The following SLC50A1 variants were observed in gnomAD, a reference collection of about 807,000 sequenced individuals.
SLC50A1 encodes solute carrier family 50 member 1.
SLC50A1 carries 22 observed loss-of-function variants against 28.9 expected under a neutral mutation model. The ratio of observed to expected loss-of-function variants is 0.76; its 90% CI spans 0.54 to 1.09. The LOEUF is 1.09. Ranked by LOEUF, SLC50A1 falls within the 50% of genes least tolerant of loss-of-function variation. SLC50A1 has a pLI of 0.00. For missense variants in SLC50A1, 233 were observed against 273.4 expected (o/e 0.85, Z 1.04); for synonymous variants, 96 against 110.6 (o/e 0.87, Z 0.83).
chr1:155,135,936 T>C lies in SLC50A1; in HGVS notation c.25T>C (p.Ser9Pro). 1.2e-6 allele frequency: 2 copies of C among 1,614,020 alleles called. No homozygotes were observed. Among genetic ancestry groups the C allele is most frequent in the Non-Finnish European group, 1.7e-6 (2 of 1,179,994 alleles). MEAGGFLDSLIYGACVVFT... is the reference protein window; with the variant it reads MEAGGFLDPLIYGACVVFT... ...AATGGAGGCGGGCGGCTTTCTGGAC[T>C]CGCTCATTTACGGAGCATGCGTGGT... Residue 9 changes from serine (S) to proline (P), a missense_variant, in exon 1 of 6, where the codon TCG (serine) becomes CCG (proline). Physicochemically the swap from Ser to Pro is moderately conservative, Grantham distance 74. Transcript: ENST00000368404.
chr1:155,137,337 C>T (rs1171458031), intron 3 of SLC50A1, among the ~76,000 whole-genome samples: 1 of 152,148 alleles, frequency 6.6e-6, no homozygotes, highest in Non-Finnish European at 1.5e-5. Flanking sequence ...GTGCCAAGCA[C>T]ACAGAAAAAA....
rs1461897935 is a variant in SLC50A1 at position 155,136,302 on chromosome 1, G to A, written c.84G>A (p.Ser28=). 1.2e-6 allele frequency: 2 copies of A among 1,602,686 alleles called. No homozygotes were observed. The highest frequency in any genetic ancestry group is 2.7e-5 in the African/African-American group (2 of 74,570). ...FTLGMFSAGL[S]DLRHMRMTRS... Reference sequence around the variant, plus strand: ...TCCCTTCGGGGCCCCATTACAGCTCGGACCTCAGGCACATGCGAATGACCC... The same window carrying A: ...TCCCTTCGGGGCCCCATTACAGCTCAGACCTCAGGCACATGCGAATGACCC... The change falls in exon 2 of 6, where the codon TCG becomes TCA. Residue 28 remains serine (S), a synonymous_variant. Coordinates refer to ENST00000368404, the MANE Select transcript of SLC50A1 (RefSeq NM_018845.4).
rs1309159185 is a variant in SLC50A1, at chr1:155,138,108, A to G, written c.564+10A>G. The G allele has an allele frequency of 1.2e-6, 2 of 1,614,056 alleles. No homozygotes were observed. The highest frequency in any genetic ancestry group is 1.1e-5 in the South Asian group (1 of 91,092). On this transcript the variant is annotated intron_variant, in intron 5 of 5. Transcript: ENST00000368404. ...AGATCCCTATATCATGGTAAGCACA[A>G]CTGGGATGGGGTGACAGGGGTGCAA...
chr1:155,137,473 T>C (rs1418971949), intron 3 of SLC50A1, 88 bp from the exon 4 acceptor site: 15 of 1,527,948 alleles, frequency 9.8e-6, no homozygotes, highest in African/African-American at 5.4e-5. Flanking sequence ...GGCTTCCCCA[T>C]TGGAGCACTG....
chr1:155,138,530 A>T lies in SLC50A1; in HGVS notation c.*249A>T. On this transcript the variant is annotated 3_prime_UTR_variant, in exon 6 of 6. Coordinates refer to ENST00000368404, the MANE Select transcript of SLC50A1 (RefSeq NM_018845.4). ...TGGAGGTTGGGGTGCAATCTTTAGAATATGCCTTAAAAGGCCGGGCGCGGT... is the reference window on the plus strand; with the variant it reads ...TGGAGGTTGGGGTGCAATCTTTAGATTATGCCTTAAAAGGCCGGGCGCGGT... 1 of 504,154 alleles carries T rather than the reference A, an allele frequency of 2.0e-6. No homozygotes were observed. The highest frequency in any genetic ancestry group is 3.5e-6 in the Non-Finnish European group (1 of 282,696). The allele number at this position is 504,154 out of a possible 1,614,324, so 31.2% of individuals were successfully genotyped here. A position where few individuals can be genotyped will look rare whatever the true frequency, so the allele number is the denominator to read the frequency against.
At chr1:155,136,104 G>T in intron 1 of SLC50A1, 113 bp downstream of exon 1, 1 of 1,288,724 alleles carries the variant, frequency 7.8e-7, no homozygotes, top group Non-Finnish European at 1.1e-6. Context: ...ATCAAAGTGG[G>T]ATCGGGTCGA....
In SLC50A1 at chr1:155,135,975, A is replaced by G. The variant is rs1332092502; in HGVS notation, c.64A>G (p.Met22Val). The G allele has an allele frequency of 1.2e-6, 2 of 1,613,800 alleles. No homozygotes were observed. Among genetic ancestry groups the G allele is most frequent in the African/African-American group, 1.3e-5 (1 of 74,864 alleles). The change falls in exon 1 of 6, where the codon ATG becomes GTG. Residue 22 changes from methionine (M) to valine (V), a missense_variant. By Grantham distance (21) the Met-to-Val change is conservative (BLOSUM62 1). Transcript: ENST00000368404. ...AGCATGCGTGGTCTTCACCCTTGGCATGTTCTCCGCCGGCCTGTGAGAGTG... is the reference window on the plus strand; with the variant it reads ...AGCATGCGTGGTCTTCACCCTTGGCGTGTTCTCCGCCGGCCTGTGAGAGTG... ...YGACVVFTLG[M>V]FSAGLSDLRH...
intron 2 of SLC50A1, 39 bp downstream of exon 2, chr1:155,136,415 A>T: frequency 1.4e-5 from 21 of 1,499,524 alleles, no homozygotes; most frequent in Non-Finnish European, 1.9e-5. Context: ...AAAGGCTACC[A>T]GAGGGAGGTG....
At chr1:155,135,689 C>G (rs1664389618), upstream of SLC50A1, 3 of 1,550,124 alleles carry the variant, frequency 1.9e-6, no homozygotes, top group Non-Finnish European at 2.6e-6. Context: ...AGGTCTGGAC[C>G]AGGGTACTGG....
chr1:155,136,742 CAA>C (rs879631277), intron 2 of SLC50A1, 84 bp from the exon 3 acceptor site: 1,922 of 1,206,284 alleles, frequency 1.6e-3, no homozygotes, highest in South Asian at 2.2e-3. Context: ...GACTACGTCT[CAA>C]AAAAAAAAAA....
intron 5 of SLC50A1, 29 bp from the exon 6 acceptor site, chr1:155,138,151 T>G (rs754157191): frequency 1.9e-6 from 3 of 1,614,186 alleles, no homozygotes; most frequent in Non-Finnish European, 2.5e-6. Flanking sequence ...AACTGGCTCC[T>G]CTCCTCATAG....
chr1:155,136,317 G>A lies in SLC50A1; in HGVS notation c.99G>A (p.Met33Ile). Residue 33 changes from methionine (M) to isoleucine (I), a missense_variant, in exon 2 of 6, where the codon ATG (methionine) becomes ATA (isoleucine). Coordinates refer to ENST00000368404, the MANE Select transcript of SLC50A1 (RefSeq NM_018845.4). ...FSAGLSDLRHMRMTRSVDNVQ... is the reference protein window; with the variant it reads ...FSAGLSDLRHIRMTRSVDNVQ... ...ATTACAGCTCGGACCTCAGGCACAT[G>A]CGAATGACCCGGAGTGTGGACAACG... 1.2e-6 allele frequency: 2 copies of A among 1,610,904 alleles called. No individual in the cohort carries two copies. The highest frequency in any genetic ancestry group is 2.2e-5 in the East Asian group (1 of 44,730).
chr1:155,136,571 G>A, intron 2 of SLC50A1, 195 bp downstream of exon 2: 2 of 688,416 alleles, frequency 2.9e-6, no homozygotes. Context: ...GTGAAACCCC[G>A]TCTCTACTAA....
In SLC50A1 at chr1:155,136,179, G is replaced by C. The variant is rs543368422; in HGVS notation, c.81-120G>C. 189 of 860,000 alleles carry C rather than the reference G, an allele frequency of 2.2e-4. 2 individuals carry two copies. Among genetic ancestry groups the C allele is most frequent in the South Asian group, 1.8e-3 (119 of 64,688 alleles). The allele number at this position is 860,000 out of a possible 1,614,324, so 53.3% of individuals were successfully genotyped here. On this transcript the variant is annotated intron_variant, in intron 1 of 5. Transcript: ENST00000368404. ...GAAGGAGAAGGCAGGATAGCTGGCG[G>C]GGGGGAGAGGGGGCGGGGTCTGCGG... is the stretch of plus-strand genomic sequence containing the variant.
chr1:155,135,719 G>C (rs947324452), upstream of SLC50A1: 4 of 1,549,686 alleles, frequency 2.6e-6, no homozygotes, highest in Admixed American at 7.8e-5. Flanking sequence ...CGGAGGAGAG[G>C]GGCGCGAGTT....
upstream of SLC50A1, chr1:155,135,817 G>A: frequency 6.3e-7 from 1 of 1,576,070 alleles, no homozygotes; most frequent in Non-Finnish European, 8.6e-7. Flanking sequence ...GAGTGCGCGG[G>A]GCGGGGCTCC....
Position 155,137,641 on chromosome 1 carries a change from C to A in SLC50A1, c.363C>A (p.Asn121Lys), listed in dbSNP as rs773625505. ...GCTACTTTTGGCTCCTGGTACCCAA[C>A]CCTGAGGCCCGGCTTCAGCAGTTGG... ...GYGYFWLLVP[N>K]PEARLQQLGL... is the part of the protein sequence containing the mutation. Residue 121 changes from asparagine (N) to lysine (K), a missense_variant, in exon 4 of 6, where the codon AAC becomes AAA. Coordinates refer to ENST00000368404, the MANE Select transcript of SLC50A1 (RefSeq NM_018845.4). 1.9e-6 allele frequency: 3 copies of A among 1,614,074 alleles called. No homozygotes were observed. The African/African-American group carries it at 4.0e-5, about 22-fold the overall frequency.
chr1:155,137,539 A>G, intron 3 of SLC50A1, 22 bp from the exon 4 acceptor site: 1 of 1,613,216 alleles, frequency 6.2e-7, no homozygotes, highest in Non-Finnish European at 8.5e-7. Flanking sequence ...ATCTGGAAGT[A>G]AGGGTACTCT....
chr1:155,135,892 G>C lies in SLC50A1; in HGVS notation c.-20G>C. ...CAGGCTCGCGGCGGGCGCTGGGCGC[G>C]GGATCCGACTCTAGTCGTAATGGAG... is the stretch of plus-strand genomic sequence containing the variant. On this transcript the variant is annotated 5_prime_UTR_variant, in exon 1 of 6. Coordinates refer to ENST00000368404, the MANE Select transcript of SLC50A1 (RefSeq NM_018845.4). 1.2e-6 allele frequency: 2 copies of C among 1,610,946 alleles called. No individual in the cohort carries two copies. Among genetic ancestry groups the C allele is most frequent in the African/African-American group, 1.3e-5 (1 of 75,026 alleles).
Sources: gnomAD v4.1 joint callset for allele counts (sites outside exome capture counted in the v4.1 genomes callset) on GRCh38, gnomAD v4.1.1 for gene constraint, MANE v1.5 for transcripts, NCBI Gene and HGNC (gene_info 2026-07-23, HGNC 2026-07-21) for gene names.